The following TBC1D19 variants were observed in gnomAD, a reference collection of about 807,000 sequenced individuals.
The protein encoded by TBC1D19 is TBC1 domain family member 19.
TBC1D19 carries 60 observed loss-of-function variants against 89.0 expected under a neutral mutation model. The observed-to-expected ratio is 0.67, with a 90% CI of 0.55 to 0.84. TBC1D19 has a LOEUF of 0.84. Among genes scored for constraint, TBC1D19 ranks in the 40% least tolerant of loss-of-function variants. The pLI, the probability that TBC1D19 is intolerant of heterozygous loss-of-function variation, is 0.00. For missense variants in TBC1D19, 500 were observed against 610.8 expected (o/e 0.82, Z 1.91); for synonymous variants, 189 against 199.7 (o/e 0.95, Z 0.45).
chr4:26,725,376 C>G (rs1364335938), intron 15 of TBC1D19, among the ~76,000 whole-genome samples: 1 of 152,102 alleles, frequency 6.6e-6, no homozygotes, highest in Non-Finnish European at 1.5e-5. Context: ...TCAGTGACAT[C>G]TCTCCTCCAA....
downstream of TBC1D19, among the ~76,000 whole-genome samples, chr4:26,757,554 G>A (rs1000407737): frequency 1.8e-4 from 27 of 152,312 alleles, no homozygotes; most frequent in African/African-American, 6.3e-4. Context: ...TGACTTTATA[G>A]TATAGAAGAG....
intron 8 of TBC1D19, among the ~76,000 whole-genome samples, chr4:26,664,139 A>G (rs1711575047): frequency 6.6e-6 from 1 of 152,228 alleles, no homozygotes; most frequent in South Asian, 2.1e-4. Context: ...AGAGGTGGGC[A>G]GTAAAAATAC....
intron 7 of TBC1D19, among the ~76,000 whole-genome samples, chr4:26,656,647 C>A (rs946873766): frequency 6.6e-6 from 1 of 151,998 alleles, no homozygotes. Flanking sequence ...TAACCTCCCC[C>A]TCCCGGGTTA....
chr4:26,604,510 GA>G (rs1468298713), intron 1 of TBC1D19, among the ~76,000 whole-genome samples: 3 of 151,318 alleles, frequency 2.0e-5, no homozygotes, highest in Admixed American at 6.6e-5. Context: ...ATGTACATAT[GA>G]TTTTTGTTTA....
chr4:26,842,583 C>CCTTCCTTTCTTTCTTTCTTT, the TBC1D19 span, among the ~76,000 whole-genome samples: 230 of 70,600 alleles, frequency 3.3e-3, 2 homozygotes, highest in East Asian at 5.4e-3. Flanking sequence ...TTCCTCCCTC[C>CCTTCCTTTCTTTCTTTCTTT]CTTTCTTTCT....
At chr4:26,817,979 A>ATATATATATATATATATAT in the TBC1D19 span, among the ~76,000 whole-genome samples, 21 of 107,342 alleles carry the variant, frequency 2.0e-4, no homozygotes, top group African/African-American at 9.6e-4. Context: ...AAAAAAAAAA[A>ATATATATATATATATATAT]AAATATATAT....
chr4:26,721,366 C>G (rs1716964104), intron 15 of TBC1D19, among the ~76,000 whole-genome samples: 1 of 151,938 alleles, frequency 6.6e-6, no homozygotes, highest in Non-Finnish European at 1.5e-5. Context: ...CAAGGCCATC[C>G]TAGATTTCTC....
intron 4 of TBC1D19, among the ~76,000 whole-genome samples, chr4:26,629,797 T>C (rs1742686241): frequency 6.6e-6 from 1 of 151,962 alleles, no homozygotes; most frequent in South Asian, 2.1e-4. Flanking sequence ...TAATCTTATA[T>C]GGAGAAAGCA....
chr4:26,630,235 T>G (rs1248119329), intron 4 of TBC1D19, among the ~76,000 whole-genome samples: 1 of 151,962 alleles, frequency 6.6e-6, no homozygotes, highest in African/African-American at 2.4e-5. Context: ...ATCCTTTGAG[T>G]CAATACCATA....
chr4:26,576,773 A>T (rs1738983472), exon 1 of TBC1D19: 1 of 456,170 alleles, frequency 2.2e-6, no homozygotes, highest in Non-Finnish European at 4.4e-6. Context: ...GAGGGGCCAC[A>T]GTAAAATAAG....
the TBC1D19 span, among the ~76,000 whole-genome samples, chr4:26,815,925 C>T: frequency 2.6e-5 from 4 of 152,134 alleles, no homozygotes; most frequent in African/African-American, 7.2e-5. Context: ...TTGGAATACC[C>T]CCCGAGGGCC....
downstream of TBC1D19, among the ~76,000 whole-genome samples, chr4:26,757,555 T>A (rs571817772): frequency 6.6e-6 from 1 of 152,332 alleles, no homozygotes; most frequent in South Asian, 2.1e-4. Context: ...GACTTTATAG[T>A]ATAGAAGAGT....
chr4:26,665,489 T>A (rs1334152725), intron 8 of TBC1D19, among the ~76,000 whole-genome samples: 3 of 152,034 alleles, frequency 2.0e-5, no homozygotes, highest in African/African-American at 7.2e-5. Flanking sequence ...TTTTATATAT[T>A]TAAAAAATAC....
At chr4:26,663,668 T>A (rs932593392) in intron 8 of TBC1D19, among the ~76,000 whole-genome samples, 1 of 152,178 alleles carries the variant, frequency 6.6e-6, no homozygotes, top group Non-Finnish European at 1.5e-5. Context: ...GCTATATGAT[T>A]AAGAGTATAG....
chr4:26,634,180 T>C (rs1742978342), intron 4 of TBC1D19, among the ~76,000 whole-genome samples: 1 of 152,106 alleles, frequency 6.6e-6, no homozygotes, highest in South Asian at 2.1e-4. Flanking sequence ...GCTGGATTCA[T>C]TTCTCTTGAA....
At chr4:26,734,077 A>G (rs1399203150) in intron 15 of TBC1D19, among the ~76,000 whole-genome samples, 1 of 152,230 alleles carries the variant, frequency 6.6e-6, no homozygotes, top group Non-Finnish European at 1.5e-5. Flanking sequence ...TTTCACATAG[A>G]AGATAAATTA....
chr4:26,746,262 G>T (rs1223442116), intron 18 of TBC1D19, among the ~76,000 whole-genome samples: 6 of 147,278 alleles, frequency 4.1e-5, no homozygotes, highest in African/African-American at 1.5e-4. Context: ...CATAGAGATA[G>T]GTTCTTGCTT....
upstream of TBC1D19, among the ~76,000 whole-genome samples, chr4:26,583,553 G>A (rs1739201566): frequency 1.3e-5 from 2 of 152,196 alleles, no homozygotes. Flanking sequence ...GATGAGACGA[G>A]ATTGTCTACT....
chr4:26,741,794 G>C (rs1019009906), intron 17 of TBC1D19, among the ~76,000 whole-genome samples: 2 of 152,192 alleles, frequency 1.3e-5, no homozygotes, highest in African/African-American at 4.8e-5. Context: ...GGAATGCTAA[G>C]CTGCAGGAAA....
Sources: allele counts gnomAD v4.1 joint callset (sites outside exome capture counted in the v4.1 genomes callset), GRCh38; gene constraint gnomAD v4.1.1; transcripts MANE v1.5; gene names NCBI Gene and HGNC (gene_info 2026-07-23, HGNC 2026-07-21).